The following TWF2 variants were observed in gnomAD, a reference collection of about 807,000 sequenced individuals.
The protein encoded by TWF2 is twinfilin actin binding protein 2.
Under a neutral mutation model 45.1 loss-of-function variants are expected in TWF2, and 15 were observed. That is an observed-to-expected ratio of 0.33 (90% CI 0.22 to 0.51). The LOEUF is 0.51. Among genes scored for constraint, TWF2 ranks in the 20% least tolerant of loss-of-function variants. The pLI is 0.97. For synonymous variants in TWF2, 177 were observed against 195.8 expected (o/e 0.90, Z 0.80); for missense variants, 423 against 469.1 (o/e 0.90, Z 0.91).
In TWF2 at chr3:52,232,004, G is replaced by C. The variant is rs1402281025; in HGVS notation, c.222C>G (p.Asp74Glu). ...ATTCGAAGCCCTGAGCATTCTGTGA[G>C]TCGAGGCGGTAGAGCAGGTAGCAGG... The part of the protein sequence containing the change: ...QQPCYLLYRL[D>E]SQNAQGFEWL... Residue 74 changes from aspartate (D) to glutamate (E), a missense_variant, in exon 3 of 9, where the codon GAC becomes GAG. Asp to Glu is a conservative substitution (Grantham distance 45). Transcript: ENST00000305533. 1.1e-5 allele frequency: 17 copies of C among 1,613,982 alleles called. No individual in the cohort carries two copies. The highest frequency in any genetic ancestry group is 1.4e-5 in the Non-Finnish European group (17 of 1,179,988).
intron 1 of TWF2, among the ~76,000 whole-genome samples, chr3:52,236,827 C>T (rs1177904858): frequency 6.6e-6 from 1 of 152,086 alleles, no homozygotes; most frequent in East Asian, 1.9e-4. Flanking sequence ...TCCCACTGGG[C>T]CAGGACAGAA....
In TWF2 at chr3:52,229,130, G is replaced by A. The variant is rs774652402; in HGVS notation, c.954C>T (p.Ala318=). 2.5e-6 allele frequency: 4 copies of A among 1,613,684 alleles called. No homozygotes were observed. Among genetic ancestry groups the A allele is most frequent in the East Asian group, 4.5e-5 (2 of 44,890 alleles). The part of the protein sequence containing the change: ...LYDEVHPKQH[A]FKQAFAKPKG... ...TGGGCTTGGCGAAGGCCTGCTTGAAGGCGTGTTGCTTGGGGTGCACCTCGT... is the reference window on the plus strand; with the variant it reads ...TGGGCTTGGCGAAGGCCTGCTTGAAAGCGTGTTGCTTGGGGTGCACCTCGT... The change falls in exon 9 of 9, where the codon GCC becomes GCT. Residue 318 remains alanine (A), a synonymous_variant. Transcript: ENST00000305533.
Position 52,228,821 on chromosome 3 carries a change from C to A in TWF2, c.*213G>T. 1 of 730,844 alleles carries A rather than the reference C, an allele frequency of 1.4e-6. No homozygotes were observed. Among genetic ancestry groups the A allele is most frequent in the Non-Finnish European group, 2.1e-6 (1 of 467,640 alleles). 45.3% of individuals were successfully genotyped at this position (730,844 alleles called of 1,614,324 possible). On this transcript the variant is annotated 3_prime_UTR_variant, in exon 9 of 9. Transcript: ENST00000305533. The stretch of plus-strand genomic sequence containing the variant: ...AAGCCAGCCAGGCAGGGTCCCCGGA[C>A]ACCCTGGGCACACAGACGAGATGCA...
Position 52,231,479 on chromosome 3 carries a change from C to T in TWF2, c.343G>A (p.Gly115Ser). ...CCGAAGAGCTCATCCTTGATGTGGCCACCTCCAAACTCCTTTTTCACTGTG... is the reference window on the plus strand; with the variant it reads ...CCGAAGAGCTCATCCTTGATGTGGCTACCTCCAAACTCCTTTTTCACTGTG... ...RATVKKEFGG[G>S]HIKDELFGTV... The change falls in exon 4 of 9, where the codon GGC (glycine) becomes AGC (serine). Residue 115 changes from glycine to serine, a missense_variant. Coordinates refer to ENST00000305533, the MANE Select transcript of TWF2 (RefSeq NM_007284.4). 1.2e-6 allele frequency: 2 copies of T among 1,614,076 alleles called. No individual in the cohort carries two copies. The highest frequency in any genetic ancestry group is 8.5e-7 in the Non-Finnish European group (1 of 1,179,972).
At chr3:52,233,791 G>A (rs897143684) in intron 2 of TWF2, among the ~76,000 whole-genome samples, 10 of 151,916 alleles carry the variant, frequency 6.6e-5, no homozygotes, top group Non-Finnish European at 1.2e-4. Context: ...GTGGTCGCCT[G>A]TAGTCCCAGC....
chr3:52,239,126 T>A lies in TWF2; in HGVS notation c.-110A>T. On this transcript the variant is annotated 5_prime_UTR_variant, in exon 1 of 9. Transcript: ENST00000305533. The stretch of plus-strand genomic sequence containing the variant: ...AGGATGTGGCGGAGGCTGTCGACCC[T>A]CGCGCAGCTTCCCGGGCGGTGCCGC... 7.7e-7 allele frequency: 1 copy of A among 1,306,542 alleles called. No homozygotes were observed. The highest frequency in any genetic ancestry group is 1.0e-6 in the Non-Finnish European group (1 of 996,970). 80.9% of individuals were successfully genotyped at this position (1,306,542 alleles called of 1,614,324 possible).
intron 4 of TWF2, 78 bp from the exon 5 acceptor site, chr3:52,231,309 G>A (rs1699675530): frequency 1.7e-5 from 27 of 1,583,156 alleles, no homozygotes; most frequent in Non-Finnish European, 2.3e-5. Context: ...GAGCACGCCA[G>A]CTTGCAGCCC....
intron 1 of TWF2, among the ~76,000 whole-genome samples, chr3:52,235,701 C>T (rs1258157265): frequency 6.6e-6 from 1 of 152,242 alleles, no homozygotes; most frequent in Non-Finnish European, 1.5e-5. Context: ...TACACAAACA[C>T]ACACAGAGAT....
At position 52,239,001 on chromosome 3, in the gene TWF2, C is replaced by G; in HGVS notation, c.16G>C (p.Gly6Arg). 6.3e-7 allele frequency: 1 copy of G among 1,596,036 alleles called. No homozygotes were observed. MAHQTGIHATEELKEF... is the reference protein window; with the variant it reads MAHQTRIHATEELKEF... ...CGCCATCCGCCCTCACCGTGGATGC[C>G]CGTTTGGTGCGCCATGGCTCGGCGC... The change falls in exon 1 of 9, where the codon GGC (glycine) becomes CGC (arginine). Residue 6 changes from glycine (G) to arginine (R), a missense_variant. Physicochemically the swap from Gly to Arg is moderately radical, Grantham distance 125. Coordinates refer to ENST00000305533, the MANE Select transcript of TWF2 (RefSeq NM_007284.4).
intron 5 of TWF2, 52 bp downstream of exon 5, chr3:52,231,075 G>T (rs1347593398): frequency 6.2e-6 from 10 of 1,612,020 alleles, no homozygotes; most frequent in Non-Finnish European, 7.6e-6. Context: ...GGCTGCCACT[G>T]GGCCGATATG....
At chr3:52,235,540 T>TCACACACACA (rs149768402) in intron 1 of TWF2, among the ~76,000 whole-genome samples, 1 of 147,844 alleles carries the variant, frequency 6.8e-6, no homozygotes, top group African/African-American at 2.5e-5. Context: ...CTATGCCCAT[T>TCACACACACA]CACACACACA....
Position 52,230,049 on chromosome 3 carries a change from T to C in TWF2, c.631A>G (p.Thr211Ala). 2.5e-6 allele frequency: 4 copies of C among 1,599,678 alleles called. No homozygotes were observed. The highest frequency in any genetic ancestry group is 3.4e-6 in the Non-Finnish European group (4 of 1,174,296). ...GGCTCTGTGTGCACCAGCTCAATGG[T>C]TTCCCGCTCTAGGTCCAGCTTCTGC... ...IQMKLDLERETIELVHTEPTD... is the reference protein window; with the variant it reads ...IQMKLDLEREAIELVHTEPTD... Residue 211 changes from threonine to alanine, a missense_variant, in exon 7 of 9, where the codon ACC (threonine) becomes GCC (alanine). Transcript: ENST00000305533.
chr3:52,232,744 C>T (rs1223179836), intron 2 of TWF2, among the ~76,000 whole-genome samples: 1 of 152,218 alleles, frequency 6.6e-6, no homozygotes, highest in Non-Finnish European at 1.5e-5. Context: ...TTGCCGGGCG[C>T]GGTGGCTCAC....
chr3:52,239,097 G>A lies in TWF2; in HGVS notation c.-81C>T. On this transcript the variant is annotated 5_prime_UTR_variant, in exon 1 of 9. Transcript: ENST00000305533. ...GGCAACGCTCGCTGGACCAAGAGAG[G>A]TGGAGGATGTGGCGGAGGCTGTCGA... The A allele has an allele frequency of 5.3e-6, 8 of 1,514,062 alleles. 1 individual carries two copies. Among genetic ancestry groups the A allele is most frequent in the Admixed American group, 3.8e-5 (2 of 52,136 alleles). 93.8% of individuals were successfully genotyped at this position (1,514,062 alleles called of 1,614,324 possible).
At chr3:52,238,969 G>A (rs1303954145) in intron 1 of TWF2, 23 bp downstream of exon 1, 2 of 1,588,278 alleles carry the variant, frequency 1.3e-6, no homozygotes, top group Non-Finnish European at 1.7e-6. Context: ...GAGGCCCCCT[G>A]CCCGCCCGCC....
At chr3:52,231,048 G>A in intron 5 of TWF2, 53 bp from the exon 6 acceptor site, 1 of 1,608,684 alleles carries the variant, frequency 6.2e-7, no homozygotes, top group Non-Finnish European at 8.5e-7. Context: ...AGCAGGGTGT[G>A]GCTCCCAGGC....
chr3:52,238,933 G>GT (rs984393895), intron 1 of TWF2, 59 bp downstream of exon 1: 145 of 1,563,804 alleles, frequency 9.3e-5, no homozygotes, highest in South Asian at 4.7e-4. Context: ...GAGAGCCGGG[G>GT]GGGGGCGCTT....
intron 6 of TWF2, 78 bp from the exon 7 acceptor site, chr3:52,230,148 C>T: frequency 1.4e-6 from 2 of 1,456,398 alleles, no homozygotes; most frequent in Non-Finnish European, 1.8e-6. Context: ...AGCCCTCAAA[C>T]AGGATTAGCT....
chr3:52,231,428 C>A lies in TWF2; in HGVS notation c.378+16G>T. 1 of 1,612,564 alleles carries A rather than the reference C, an allele frequency of 6.2e-7. No individual in the cohort carries two copies. The highest frequency in any genetic ancestry group is 8.5e-7 in the Non-Finnish European group (1 of 1,179,146). ...GGCCCAGGATTGTGTCCCGGTAAGT[C>A]CTGGCTTAGGATTACCTTCACAGTC... On this transcript the variant is annotated intron_variant, in intron 4 of 8. Coordinates refer to ENST00000305533, the MANE Select transcript of TWF2 (RefSeq NM_007284.4).
Sources: gnomAD v4.1 joint callset for allele counts (sites outside exome capture counted in the v4.1 genomes callset) on GRCh38, gnomAD v4.1.1 for gene constraint, MANE v1.5 for transcripts, NCBI Gene and HGNC (gene_info 2026-07-23, HGNC 2026-07-21) for gene names.